The following CMSS1 variants were observed in gnomAD, a reference collection of about 807,000 sequenced individuals.
The protein encoded by CMSS1 is protein CMSS1.
CMSS1 carries 33 observed loss-of-function variants against 43.5 expected under a neutral mutation model. The ratio of observed to expected loss-of-function variants is 0.76; its 90% CI spans 0.57 to 1.01. CMSS1 has a LOEUF of 1.01. Among genes scored for constraint, CMSS1 ranks in the 50% least tolerant of loss-of-function variants. The pLI is 0.00. For missense variants in CMSS1, 313 were observed against 326.4 expected, an observed-to-expected ratio of 0.96 and a Z score of 0.32; for synonymous variants, 115 against 117.2, an observed-to-expected ratio of 0.98 and a Z score of 0.12.
chr3:99,905,492 C>A (rs1706585642), intron 1 of CMSS1, among the ~76,000 whole-genome samples: 1 of 152,194 alleles, frequency 6.6e-6, no homozygotes. Flanking sequence ...ATGTAACATA[C>A]TCCATTTTAC....
chr3:99,979,647 A>G (rs946999734), intron 1 of CMSS1, among the ~76,000 whole-genome samples: 1 of 152,210 alleles, frequency 6.6e-6, no homozygotes, highest in Non-Finnish European at 1.5e-5. Flanking sequence ...AGTGTTAAGT[A>G]TTACCTCTAT....
intron 1 of CMSS1, among the ~76,000 whole-genome samples, chr3:99,974,392 A>C (rs1207362326): frequency 6.6e-6 from 1 of 152,192 alleles, no homozygotes; most frequent in Non-Finnish European, 1.5e-5. Flanking sequence ...ATCAGGTCAA[A>C]AAACTTAGAA....
chr3:99,937,112 A>G (rs1299745294), intron 1 of CMSS1, among the ~76,000 whole-genome samples: 2 of 151,598 alleles, frequency 1.3e-5, no homozygotes, highest in African/African-American at 2.4e-5. Context: ...ATTTTTTTGT[A>G]TTTTTAGTAG....
chr3:99,991,029 G>C (rs192539479), intron 1 of CMSS1, among the ~76,000 whole-genome samples: 1 of 152,212 alleles, frequency 6.6e-6, no homozygotes, highest in African/African-American at 2.4e-5. Context: ...TGACAAAGAT[G>C]CCCATAATCT....
chr3:100,147,189 T>TGAAAAGG, intron 2 of CMSS1, 128 bp downstream of exon 2: 1 of 1,033,998 alleles, frequency 9.7e-7, no homozygotes, highest in Non-Finnish European at 1.3e-6. Context: ...TTACTTTCTT[T>TGAAAAGG]CCCTTTGAAA....
intron 1 of CMSS1, among the ~76,000 whole-genome samples, chr3:100,113,250 G>C (rs1282150829): frequency 6.6e-6 from 1 of 152,192 alleles, no homozygotes; most frequent in Non-Finnish European, 1.5e-5. Context: ...ACAAAACTGT[G>C]CAGCCACCCT....
intron 1 of CMSS1, among the ~76,000 whole-genome samples, chr3:99,916,220 C>T (rs1706945069): frequency 6.6e-6 from 1 of 152,074 alleles, no homozygotes. Flanking sequence ...GAATTAACTG[C>T]CTGGGTTAAT....
chr3:100,111,917 A>G (rs1239653547), intron 1 of CMSS1, among the ~76,000 whole-genome samples: 1 of 152,218 alleles, frequency 6.6e-6, no homozygotes, highest in Non-Finnish European at 1.5e-5. Context: ...CATGCACAAT[A>G]CACAGATTCA....
intron 1 of CMSS1, among the ~76,000 whole-genome samples, chr3:99,962,788 A>T (rs1225491611): frequency 3.3e-5 from 5 of 152,186 alleles, no homozygotes; most frequent in Non-Finnish European, 7.3e-5. Context: ...GAGAGCTAGG[A>T]TTTGGCTGCA....
At chr3:99,970,638 A>G (rs1347849491) in intron 1 of CMSS1, among the ~76,000 whole-genome samples, 1 of 152,254 alleles carries the variant, frequency 6.6e-6, no homozygotes, top group South Asian at 2.1e-4. Flanking sequence ...CAGGGTCACA[A>G]GAGTTTAAAA....
At chr3:99,964,858 T>C (rs1708600098) in intron 1 of CMSS1, among the ~76,000 whole-genome samples, 1 of 152,154 alleles carries the variant, frequency 6.6e-6, no homozygotes, top group Non-Finnish European at 1.5e-5. Context: ...GGAAAAACTC[T>C]TTCCTAAGTT....
intron 5 of CMSS1, 74 bp downstream of exon 5, chr3:100,166,468 T>C (rs1425137670): frequency 3.8e-6 from 4 of 1,047,186 alleles, no homozygotes; most frequent in Non-Finnish European, 5.9e-6. Context: ...TAGGTTTTGG[T>C]CTCGTTTTTG....
rs202181326 is a variant in CMSS1, at chr3:99,948,691, AAGG to A, written c.64+130651_64+130653del. Among the ~76,000 whole-genome samples the A allele has an allele frequency of 6.7e-3, 999 of 149,538 alleles. 17 individuals carry two copies. The highest frequency in any genetic ancestry group is 0.023 in the African/African-American group (943 of 40,546). On this transcript the variant is annotated intron_variant, in intron 1 of 9. Transcript: ENST00000421999. ...GGGAAAGAGGAAGAAGAAGAGGAGA[AAGG>A]AGAGAGAAAGGGAGAGGAAGGGAAA...
chr3:99,913,252 A>T (rs1576568395), intron 1 of CMSS1, among the ~76,000 whole-genome samples: 2 of 152,234 alleles, frequency 1.3e-5, no homozygotes, highest in East Asian at 3.8e-4. Context: ...TAAGGCAATA[A>T]TTCTACACTT....
intron 1 of CMSS1, among the ~76,000 whole-genome samples, chr3:100,071,393 GC>G (rs2065761107): frequency 1.3e-5 from 2 of 152,126 alleles, no homozygotes; most frequent in Admixed American, 1.3e-4. Flanking sequence ...TGCTGAGACT[GC>G]CAGCCTCCCC....
intron 1 of CMSS1, among the ~76,000 whole-genome samples, chr3:100,054,534 T>C (rs893761165): frequency 6.8e-6 from 1 of 146,566 alleles, no homozygotes; most frequent in Non-Finnish European, 1.5e-5. Context: ...TATGTTATGT[T>C]ATGTTATGTC....
intron 4 of CMSS1, among the ~76,000 whole-genome samples, chr3:100,164,260 T>C: frequency 6.6e-6 from 1 of 152,220 alleles, no homozygotes; most frequent in East Asian, 1.9e-4. Context: ...TAATTTTTAC[T>C]GTGACTCAAT....
At chr3:99,915,260 T>C (rs1706916291) in intron 1 of CMSS1, among the ~76,000 whole-genome samples, 1 of 152,230 alleles carries the variant, frequency 6.6e-6, no homozygotes, top group Non-Finnish European at 1.5e-5. Context: ...GATTAAAATG[T>C]AGCCAACTTT....
intron 1 of CMSS1, among the ~76,000 whole-genome samples, chr3:100,122,414 G>A (rs2066628962): frequency 6.6e-6 from 1 of 152,222 alleles, no homozygotes; most frequent in South Asian, 2.1e-4. Context: ...CTGGCACCCA[G>A]GGTACTTCTT....
Sources: allele counts gnomAD v4.1 joint callset (sites outside exome capture counted in the v4.1 genomes callset), GRCh38; gene constraint gnomAD v4.1.1; transcripts MANE v1.5; gene names NCBI Gene and HGNC (gene_info 2026-07-23, HGNC 2026-07-21).